NR4A3: variants seen among roughly 807,000 people sequenced by gnomAD.
NR4A3 encodes nuclear receptor subfamily 4 group A member 3.
NR4A3 carries 13 observed loss-of-function variants against 55.6 expected under a neutral mutation model. The observed-to-expected ratio is 0.23, with a 90% CI of 0.15 to 0.37. The LOEUF (loss-of-function observed/expected upper bound fraction) is 0.37. Among genes scored for constraint, NR4A3 ranks in the 10% least tolerant of loss-of-function variants. The probability of loss-of-function intolerance (pLI) is 1.00; values close to 1 mark genes in which losing one functional copy is unlikely to be tolerated. For missense variants in NR4A3, 646 were observed against 822.8 expected (o/e 0.79, Z 2.63); for synonymous variants, 342 against 357.9 (o/e 0.96, Z 0.50).
intron 2 of NR4A3, 151 bp from the exon 3 acceptor site, chr9:99,827,890 G>C (rs763701501): frequency 9.9e-7 from 1 of 1,006,906 alleles, no homozygotes; most frequent in Non-Finnish European, 1.4e-6. Flanking sequence ...GAAAATAAGT[G>C]TGGGGCTTTG....
Position 99,833,400 on chromosome 9 carries a change from T to C in NR4A3, c.1200T>C (p.Asn400=), listed in dbSNP as rs1192519845. The change falls in exon 5 of 8, where the codon AAT becomes AAC. Residue 400 remains asparagine (N), a synonymous_variant. Transcript: ENST00000395097. ...SPPSPPICMM[N]ALVRALTDST... ...CTTCTCCTCCAATCTGCATGATGAA[T>C]GCCCTTGTCCGAGCTTTAACAGACT... 6.2e-7 allele frequency: 1 copy of C among 1,614,132 alleles called. No homozygotes were observed. Among genetic ancestry groups the C allele is most frequent in the East Asian group, 2.2e-5 (1 of 44,884 alleles).
intron 7 of NR4A3, among the ~76,000 whole-genome samples, chr9:99,860,722 G>T (rs988266395): frequency 6.6e-6 from 1 of 152,202 alleles, no homozygotes; most frequent in African/African-American, 2.4e-5. Context: ...GTTTCTCAGG[G>T]AAAGCAAAAT....
chr9:99,855,716 A>G (rs1182648275), intron 7 of NR4A3, among the ~76,000 whole-genome samples: 2 of 152,218 alleles, frequency 1.3e-5, no homozygotes, highest in Admixed American at 1.3e-4. Flanking sequence ...AGTGATAGCA[A>G]TAAGGTGAAT....
At chr9:99,848,646 C>G (rs1827796733) in intron 7 of NR4A3, among the ~76,000 whole-genome samples, 1 of 152,218 alleles carries the variant, frequency 6.6e-6, no homozygotes. Context: ...ACCCAGCCAA[C>G]TCAGCAGTTT....
Position 99,864,576 on chromosome 9 carries a change from A to C in NR4A3, c.*709A>C, listed in dbSNP as rs967532569. 2.2e-5 allele frequency: 5 copies of C among 227,988 alleles called. No homozygotes were observed. The highest frequency in any genetic ancestry group is 4.4e-5 in the Non-Finnish European group (5 of 114,602). 14.1% of individuals were successfully genotyped at this position (227,988 alleles called of 1,614,324 possible). A position where few individuals can be genotyped will look rare whatever the true frequency, so the allele number is the denominator to read the frequency against. On this transcript the variant is annotated 3_prime_UTR_variant, in exon 8 of 8. Coordinates refer to ENST00000395097, the MANE Select transcript of NR4A3 (RefSeq NM_006981.4). ...AGTCATGTTAGCAAATGACACGTTAATATCCCTAGCAGAGGCTGTGTTCAC... is the reference window on the plus strand; with the variant it reads ...AGTCATGTTAGCAAATGACACGTTACTATCCCTAGCAGAGGCTGTGTTCAC...
rs770109155 is a variant in NR4A3, at chr9:99,828,417, C to A, written c.375C>A (p.Asp125Glu). 1 of 1,584,984 alleles carries A rather than the reference C, an allele frequency of 6.3e-7. No homozygotes were observed. The highest frequency in any genetic ancestry group is 8.6e-7 in the Non-Finnish European group (1 of 1,164,940). The part of the protein sequence containing the change: ...PSIPPASSPE[D>E]EVLPSTSMYF... ...TTCCTCCAGCCTCCAGCCCGGAGGA[C>A]GAGGTGCTGCCCAGCACCTCCATGT... Residue 125 changes from aspartate (D) to glutamate (E), a missense_variant, in exon 3 of 8, where the codon GAC becomes GAA. Asp to Glu is a conservative substitution (Grantham distance 45). This residue lies in a region of NR4A3 where 426 missense variants were observed against 429.4 expected (regional missense o/e 0.99). Coordinates refer to ENST00000395097, the MANE Select transcript of NR4A3 (RefSeq NM_006981.4). The surrounding 1 kb of genome is among the most constrained non-coding windows in gnomAD (Gnocchi z 7.7).
At chr9:99,857,755 C>T (rs1242061705) in intron 7 of NR4A3, among the ~76,000 whole-genome samples, 1 of 141,306 alleles carries the variant, frequency 7.1e-6, no homozygotes, top group African/African-American at 2.7e-5. Flanking sequence ...CTCTGTCTCA[C>T]AAATAAATAA....
intron 6 of NR4A3, among the ~76,000 whole-genome samples, chr9:99,846,605 C>A (rs1827757715): frequency 6.6e-6 from 1 of 152,152 alleles, no homozygotes; most frequent in Non-Finnish European, 1.5e-5. Context: ...TTAGGCCACC[C>A]TTTAATTTGT....
intron 5 of NR4A3, among the ~76,000 whole-genome samples, chr9:99,838,098 C>T (rs941674937): frequency 3.3e-5 from 5 of 152,150 alleles, no homozygotes; most frequent in Non-Finnish European, 7.4e-5. Flanking sequence ...TTTGATTTGT[C>T]TCTCCTCAAA....
intron 5 of NR4A3, chr9:99,835,012 A>G (rs1827531268): frequency 1.3e-6 from 1 of 747,966 alleles, no homozygotes; most frequent in South Asian, 6.0e-5. Flanking sequence ...TAGCTAAGTG[A>G]CCTTGAGCAA....
chr9:99,840,328 G>T (rs1827631132), intron 5 of NR4A3, among the ~76,000 whole-genome samples: 1 of 152,262 alleles, frequency 6.6e-6, no homozygotes, highest in African/African-American at 2.4e-5. Context: ...GCAGAAGCCT[G>T]CAGAGGACCC....
At chr9:99,857,927 CAGCTTACACTTTTAGTGCTTAT>C (rs1215311781) in intron 7 of NR4A3, among the ~76,000 whole-genome samples, 1 of 152,226 alleles carries the variant, frequency 6.6e-6, no homozygotes, top group African/African-American at 2.4e-5. Flanking sequence ...TTATTTTTAG[CAGCTTACACTTTTAGTGCTTAT>C]ATAATCATTT....
At chr9:99,826,345 C>G (rs887910794) in intron 2 of NR4A3, among the ~76,000 whole-genome samples, 2 of 152,202 alleles carry the variant, frequency 1.3e-5, no homozygotes, top group East Asian at 3.8e-4. Flanking sequence ...TGTACCACCT[C>G]TTTACAAATT....
chr9:99,834,087 G>C, intron 5 of NR4A3: 1 of 1,003,866 alleles, frequency 1.0e-6, no homozygotes, highest in Non-Finnish European at 1.2e-6. Context: ...AGTCACACAA[G>C]AATGATGGTT....
chr9:99,822,672 G>A lies in NR4A3; in HGVS notation c.-177+265G>A, dbSNP rs918598694. On this transcript the variant is annotated intron_variant, in intron 1 of 7. Coordinates refer to ENST00000395097, the MANE Select transcript of NR4A3 (RefSeq NM_006981.4). This position sits in a 1 kb window ranked among gnomAD's most constrained non-coding sequence, Gnocchi z 4.9. ...AAGCCTCTAACAAAGAGGAGGACCG[G>A]GATTTGTGCTATAGCGGCTCCAGCG... is the stretch of plus-strand genomic sequence containing the variant. Among the ~76,000 whole-genome samples the A allele has an allele frequency of 6.6e-6, 1 of 152,192 alleles. No homozygotes were observed. Among genetic ancestry groups the A allele is most frequent in the South Asian group, 2.1e-4 (1 of 4,826 alleles).
intron 6 of NR4A3, 63 bp downstream of exon 6, chr9:99,844,911 T>G (rs1259242648): frequency 1.4e-5 from 17 of 1,246,508 alleles, no homozygotes; most frequent in Non-Finnish European, 1.8e-5. Context: ...CTTCTGTGTT[T>G]GTAACTGAAT....
intron 2 of NR4A3, among the ~76,000 whole-genome samples, chr9:99,826,098 T>C (rs1827290721): frequency 6.6e-6 from 1 of 152,206 alleles, no homozygotes; most frequent in Non-Finnish European, 1.5e-5. Flanking sequence ...ACCAATAGAT[T>C]AGGGTATTTT....
chr9:99,847,370 CATA>C (rs1237206261), intron 6 of NR4A3, 64 bp from the exon 7 acceptor site: 230 of 1,484,548 alleles, frequency 1.5e-4, no homozygotes, highest in Non-Finnish European at 2.0e-4. Context: ...GCCTGTGTGT[CATA>C]ATGTTATCAT....
At chr9:99,826,908 C>A in intron 2 of NR4A3, 1 of 1,135,792 alleles carries the variant, frequency 8.8e-7, no homozygotes, top group Non-Finnish European at 1.3e-6. Context: ...TTTCCTTTGG[C>A]TCAGAAAAAC....
Sources: gnomAD v4.1 joint callset for allele counts (sites outside exome capture counted in the v4.1 genomes callset) on GRCh38, gnomAD v4.1.1 for gene constraint, gnomAD v4.1.1 regional missense constraint, Gnocchi (gnomAD v3.1) non-coding constraint, MANE v1.5 for transcripts, NCBI Gene and HGNC (gene_info 2026-07-23, HGNC 2026-07-21) for gene names.